The following LHPP variants were observed in gnomAD, a reference collection of about 807,000 sequenced individuals.
The protein encoded by LHPP is phospholysine phosphohistidine inorganic pyrophosphate phosphatase.
A neutral mutation model predicts 30.3 loss-of-function variants in LHPP; 24 were observed. The observed-to-expected ratio is 0.79, with a 90% CI of 0.57 to 1.11. The LOEUF (loss-of-function observed/expected upper bound fraction) is 1.11, where lower values mean the gene tolerates loss of function less well. LHPP is among the 50% of genes most tolerant of loss of function. The pLI, the probability that LHPP is intolerant of heterozygous loss-of-function variation, is 0.00. For missense variants in LHPP, 356 were observed against 367.2 expected (o/e 0.97, Z 0.25); for synonymous variants, 150 against 157.1 (o/e 0.95, Z 0.34).
intron 1 of LHPP, among the ~76,000 whole-genome samples, chr10:124,467,623 A>G (rs1952592503): frequency 6.6e-6 from 1 of 150,716 alleles, no homozygotes; most frequent in African/African-American, 2.4e-5. Context: ...TAGGCTCAAA[A>G]AAATCTTTCT....
chr10:124,501,757 A>G (rs1341589976), intron 5 of LHPP, among the ~76,000 whole-genome samples: 1 of 151,918 alleles, frequency 6.6e-6, no homozygotes, highest in Non-Finnish European at 1.5e-5. Flanking sequence ...ACATTTTAAA[A>G]CCACCTAAAA....
chr10:124,594,603 A>G (rs998739427), intron 6 of LHPP, among the ~76,000 whole-genome samples: 1 of 150,990 alleles, frequency 6.6e-6, no homozygotes, highest in African/African-American at 2.4e-5. Flanking sequence ...CAATTCCTAT[A>G]GCTTTTTTCC....
At position 124,512,286 on chromosome 10, in the gene LHPP, C is replaced by T. The variant is rs1417631869; in HGVS notation, c.625-4894C>T. On this transcript the variant is annotated intron_variant, in intron 5 of 6. Transcript: ENST00000368842. ...TCTGATGTGGTGAGATAGGGAATTT[C>T]CTCAACGAAACATTTCCTCATGTTT... 3.3e-5 allele frequency among the ~76,000 whole-genome samples: 5 copies of T among 152,118 alleles called. 1 individual carries two copies. Among genetic ancestry groups the T allele is most frequent in the Admixed American group, 2.6e-4 (4 of 15,274 alleles).
intron 6 of LHPP, among the ~76,000 whole-genome samples, chr10:124,548,559 C>T (rs1017038066): frequency 6.6e-6 from 1 of 152,200 alleles, no homozygotes; most frequent in Non-Finnish European, 1.5e-5. Context: ...CCCCACTGTG[C>T]ACCTGCAGCT....
chr10:124,537,034 C>T (rs1955044228), intron 6 of LHPP, among the ~76,000 whole-genome samples: 1 of 152,216 alleles, frequency 6.6e-6, no homozygotes, highest in Non-Finnish European at 1.5e-5. Flanking sequence ...TAATCTAGCA[C>T]TTAGAATGTG....
intron 5 of LHPP, among the ~76,000 whole-genome samples, chr10:124,507,161 G>C (rs1954138235): frequency 1.1e-5 from 1 of 92,778 alleles, no homozygotes. Flanking sequence ...TCAGGTGGGA[G>C]GGTAGGCAGG....
At chr10:124,597,002 A>C (rs371148750) in intron 6 of LHPP, among the ~76,000 whole-genome samples, 11 of 152,288 alleles carry the variant, frequency 7.2e-5, no homozygotes, top group African/African-American at 2.4e-4. Context: ...AAGCAGATGG[A>C]GGAAGGTGGG....
At chr10:124,511,368 C>T (rs776944446) in intron 5 of LHPP, among the ~76,000 whole-genome samples, 12 of 152,140 alleles carry the variant, frequency 7.9e-5, no homozygotes, top group Non-Finnish European at 1.2e-4. Context: ...GTATGTCACC[C>T]GTGTGCATGA....
At chr10:124,589,207 A>G (rs1004512524) in intron 6 of LHPP, among the ~76,000 whole-genome samples, 1 of 152,256 alleles carries the variant, frequency 6.6e-6, no homozygotes, top group Non-Finnish European at 1.5e-5. Flanking sequence ...CTTTTCCTGC[A>G]TAAGGCATCT....
At chr10:124,485,724 C>A (rs1953304946) in intron 2 of LHPP, among the ~76,000 whole-genome samples, 1 of 152,022 alleles carries the variant, frequency 6.6e-6, no homozygotes, top group African/African-American at 2.4e-5. Context: ...CCTCAGCCCC[C>A]CAAGTAGCTG....
chr10:124,540,370 G>T (rs558517970), intron 6 of LHPP, among the ~76,000 whole-genome samples: 1 of 152,172 alleles, frequency 6.6e-6, no homozygotes, highest in East Asian at 1.9e-4. Context: ...GGTTTCTCCC[G>T]CTTTGCTTCG....
At chr10:124,585,686 A>T (rs1948796365) in intron 6 of LHPP, among the ~76,000 whole-genome samples, 1 of 151,556 alleles carries the variant, frequency 6.6e-6, no homozygotes, top group African/African-American at 2.4e-5. Context: ...CTGACCTCAA[A>T]CTCCTGGGCT....
intron 1 of LHPP, 68 bp downstream of exon 1, chr10:124,462,055 C>G: frequency 1.7e-6 from 2 of 1,175,902 alleles, no homozygotes; most frequent in Non-Finnish European, 2.1e-6. Context: ...TGGCTGCCGG[C>G]AGGGGGCGGG....
intron 6 of LHPP, among the ~76,000 whole-genome samples, chr10:124,569,252 G>A (rs1948545601): frequency 6.6e-6 from 1 of 152,208 alleles, no homozygotes; most frequent in Non-Finnish European, 1.5e-5. Context: ...CCAGGCTCTA[G>A]CAAAAGTGGG....
At chr10:124,526,578 G>T (rs1020237411) in intron 6 of LHPP, among the ~76,000 whole-genome samples, 2 of 152,204 alleles carry the variant, frequency 1.3e-5, no homozygotes, top group Admixed American at 1.3e-4. Context: ...TAGCCAGTGT[G>T]GGGGCTCACA....
intron 1 of LHPP, among the ~76,000 whole-genome samples, chr10:124,476,789 C>T (rs939922348): frequency 5.9e-5 from 9 of 152,210 alleles, no homozygotes; most frequent in African/African-American, 2.2e-4. Flanking sequence ...TGGAGGAAAT[C>T]AGCACCTTGT....
intron 6 of LHPP, among the ~76,000 whole-genome samples, chr10:124,553,126 C>G (rs1948207846): frequency 1.3e-5 from 2 of 152,214 alleles, no homozygotes; most frequent in Admixed American, 6.5e-5. Context: ...CTTTTAGCAC[C>G]CAGGGACTCT....
At chr10:124,482,989 G>A (rs573560415) in intron 1 of LHPP, among the ~76,000 whole-genome samples, 17 of 152,342 alleles carry the variant, frequency 1.1e-4, no homozygotes, top group South Asian at 2.1e-4. Flanking sequence ...TGCCAGGCAC[G>A]TAGTAGGCGC....
rs985812272 is a variant in LHPP at position 124,523,323 on chromosome 10, C to G, written c.716+6052C>G. On this transcript the variant is annotated intron_variant, in intron 6 of 6. Transcript: ENST00000368842. The surrounding 1 kb of genome is among the most constrained non-coding windows in gnomAD (Gnocchi z 4.2). ...GTTTCCCCCCAGTGGGGTGGCCAGC[C>G]GATCTAGGATTCCAGCCGCCTTGCA... Among the ~76,000 whole-genome samples the G allele has an allele frequency of 5.3e-5, 8 of 152,292 alleles. No individual in the cohort carries two copies. Among genetic ancestry groups the G allele is most frequent in the African/African-American group, 1.4e-4 (6 of 41,570 alleles).
Sources: gnomAD v4.1 joint callset for allele counts (sites outside exome capture counted in the v4.1 genomes callset) on GRCh38, gnomAD v4.1.1 for gene constraint, Gnocchi (gnomAD v3.1) non-coding constraint, MANE v1.5 for transcripts, NCBI Gene and HGNC (gene_info 2026-07-23, HGNC 2026-07-21) for gene names.